MFSD6: variants seen among roughly 807,000 people sequenced by gnomAD.
The protein encoded by MFSD6 is major facilitator superfamily domain-containing protein 6.
Under a neutral mutation model 56.3 loss-of-function variants are expected in MFSD6, and 26 were observed. The ratio of observed to expected loss-of-function variants is 0.46; its 90% CI spans 0.34 to 0.64. MFSD6 has a LOEUF of 0.64. Ranked by LOEUF, MFSD6 falls within the 30% of genes least tolerant of loss-of-function variation. The pLI is 0.01. For missense variants in MFSD6, 750 were observed against 986.2 expected (o/e 0.76, Z 3.21); for synonymous variants, 331 against 366.9 (o/e 0.90, Z 1.12).
Position 190,495,847 on chromosome 2 carries a change from A to G in MFSD6, c.1892-1592A>G, listed in dbSNP as rs1189769647. On this transcript the variant is annotated intron_variant, in intron 6 of 7. Transcript: ENST00000392328. The surrounding 1 kb of genome is among the most constrained non-coding windows in gnomAD (Gnocchi z 4.7). ...CACCGTATAAAAAAATCAACTCAAG[A>G]TGGATCAAGGACTTAAATCTAAGAC... is the stretch of plus-strand genomic sequence containing the variant. Among the ~76,000 whole-genome samples, 8 of 152,210 alleles carry G rather than the reference A, an allele frequency of 5.3e-5. No homozygotes were observed. The highest frequency in any genetic ancestry group is 5.2e-4 in the Admixed American group (8 of 15,278).
At chr2:190,446,403 C>T (rs1342608940) in intron 3 of MFSD6, among the ~76,000 whole-genome samples, 1 of 152,218 alleles carries the variant, frequency 6.6e-6, no homozygotes, top group Non-Finnish European at 1.5e-5. Flanking sequence ...AAGGCACAGG[C>T]ACTTTACTCT....
Position 190,469,923 on chromosome 2 carries a change from C to A in MFSD6, c.1630+68C>A, listed in dbSNP as rs1026337199. 2 of 1,091,622 alleles carry A rather than the reference C, an allele frequency of 1.8e-6. No homozygotes were observed. Among genetic ancestry groups the A allele is most frequent in the Non-Finnish European group, 2.7e-6 (2 of 734,444 alleles). The allele number at this position is 1,091,622 out of a possible 1,614,324, so 67.6% of individuals were successfully genotyped here. A position where few individuals can be genotyped will look rare whatever the true frequency, so the allele number is the denominator to read the frequency against. Reference sequence around the variant, plus strand: ...TGAGCTGTGGCTAAAAGCCCAGTGGCCTTCAGCATCTGATTCTATAAAGGA... The same window carrying A: ...TGAGCTGTGGCTAAAAGCCCAGTGGACTTCAGCATCTGATTCTATAAAGGA... On this transcript the variant is annotated intron_variant, in intron 4 of 7. Coordinates refer to ENST00000392328, the MANE Select transcript of MFSD6 (RefSeq NM_017694.4). The surrounding 1 kb of genome is among the most constrained non-coding windows in gnomAD (Gnocchi z 5.3).
rs975895165 is a variant in MFSD6 at position 190,443,832 on chromosome 2, A to T, written c.1532+6271A>T. 1.3e-5 allele frequency among the ~76,000 whole-genome samples: 2 copies of T among 152,170 alleles called. No individual in the cohort carries two copies. Among genetic ancestry groups the T allele is most frequent in the African/African-American group, 4.8e-5 (2 of 41,426 alleles). On this transcript the variant is annotated intron_variant, in intron 3 of 7. Transcript: ENST00000392328. The surrounding 1 kb of genome is among the most constrained non-coding windows in gnomAD (Gnocchi z 4.2). ...CACTTTGGGAGGCTGAGGCAGGAGG[A>T]TGTCTTGAGCCCAGGAGTTCGAGAT...
Position 190,412,942 on chromosome 2 carries a change from G to C in MFSD6, c.-175-2350G>C, listed in dbSNP as rs1690619741. Among the ~76,000 whole-genome samples, 1 of 152,110 alleles carries C rather than the reference G, an allele frequency of 6.6e-6. No homozygotes were observed. The highest frequency in any genetic ancestry group is 6.5e-5 in the Admixed American group (1 of 15,276). On this transcript the variant is annotated intron_variant, in intron 1 of 7. Transcript: ENST00000392328. This position sits in a 1 kb window ranked among gnomAD's most constrained non-coding sequence, Gnocchi z 4.1. ...TCATTTGTTCAGACAAGTGATGTTT[G>C]GTGCAGGGGCCAAAACAGAAAAGCC...
intron 3 of MFSD6, among the ~76,000 whole-genome samples, chr2:190,449,628 A>G (rs919016480): frequency 6.6e-6 from 1 of 151,962 alleles, no homozygotes; most frequent in Non-Finnish European, 1.5e-5. Flanking sequence ...ATGTCCAACA[A>G]TGATAGACTG....
At chr2:190,480,660 T>C (rs1688610087) in intron 4 of MFSD6, among the ~76,000 whole-genome samples, 1 of 152,240 alleles carries the variant, frequency 6.6e-6, no homozygotes, top group African/African-American at 2.4e-5. Flanking sequence ...AAGGCTTGAA[T>C]TAGACTATCT....
At position 190,417,024 on chromosome 2, in the gene MFSD6, C is replaced by T. The variant is rs927924323; in HGVS notation, c.-54+1611C>T. 2.6e-5 allele frequency among the ~76,000 whole-genome samples: 4 copies of T among 151,924 alleles called. No individual in the cohort carries two copies. The highest frequency in any genetic ancestry group is 6.6e-5 in the Admixed American group (1 of 15,242). On this transcript the variant is annotated intron_variant, in intron 2 of 7. Coordinates refer to ENST00000392328, the MANE Select transcript of MFSD6 (RefSeq NM_017694.4). This position sits in a 1 kb window ranked among gnomAD's most constrained non-coding sequence, Gnocchi z 5.7. ...TATGTTATGTTCTAGATTCCTCCCT[C>T]GAGGGGTATACAGTCTTGTTGGGCA...
intron 4 of MFSD6, among the ~76,000 whole-genome samples, chr2:190,482,708 A>G (rs1034435462): frequency 2.6e-5 from 4 of 152,012 alleles, no homozygotes; most frequent in Non-Finnish European, 4.4e-5. Flanking sequence ...TTATTTCAGT[A>G]GAGCATTCTT....
chr2:190,499,941 T>G lies in MFSD6; in HGVS notation c.2173-74T>G. ...GATCTCCCCATGTTTCCTGTCTTACTTGAAAGCATATATAAAAAGTTGGAT... is the reference window on the plus strand; with the variant it reads ...GATCTCCCCATGTTTCCTGTCTTACGTGAAAGCATATATAAAAAGTTGGAT... On this transcript the variant is annotated intron_variant, in intron 7 of 7. Coordinates refer to ENST00000392328, the MANE Select transcript of MFSD6 (RefSeq NM_017694.4). This position sits in a 1 kb window ranked among gnomAD's most constrained non-coding sequence, Gnocchi z 6.0. 6.2e-7 allele frequency: 1 copy of G among 1,600,284 alleles called. No homozygotes were observed. Among genetic ancestry groups the G allele is most frequent in the South Asian group, 1.1e-5 (1 of 89,616 alleles).
chr2:190,500,162 C>T lies in MFSD6; in HGVS notation c.2320C>T (p.Pro774Ser). 6.2e-7 allele frequency: 1 copy of T among 1,614,140 alleles called. No homozygotes were observed. The highest frequency in any genetic ancestry group is 8.5e-7 in the Non-Finnish European group (1 of 1,180,030). The change falls in exon 8 of 8, where the codon CCG becomes TCG. Residue 774 changes from proline to serine, a missense_variant. Transcript: ENST00000392328. This position sits in a 1 kb window ranked among gnomAD's most constrained non-coding sequence, Gnocchi z 5.3. Reference protein sequence around the residue: ...QTSPAHPSVDPCTEESEEQQA... With the variant: ...QTSPAHPSVDSCTEESEEQQA... ...CAGCCCCGCTCACCCCAGTGTGGAC[C>T]CGTGCACAGAGGAGAGTGAAGAGCA...
At position 190,424,148 on chromosome 2, in the gene MFSD6, A is replaced by G. The variant is rs1194217155; in HGVS notation, c.-54+8735A>G. On this transcript the variant is annotated intron_variant, in intron 2 of 7. Transcript: ENST00000392328. This position sits in a 1 kb window ranked among gnomAD's most constrained non-coding sequence, Gnocchi z 5.9. The stretch of plus-strand genomic sequence containing the variant: ...AAAGTTTTAAATTTTAATGAAGTCT[A>G]ACATTAGTTTTTCCTTTTATGGATC... Among the ~76,000 whole-genome samples, 1 of 152,012 alleles carries G rather than the reference A, an allele frequency of 6.6e-6. No individual in the cohort carries two copies. The highest frequency in any genetic ancestry group is 1.5e-5 in the Non-Finnish European group (1 of 68,010).
intron 4 of MFSD6, among the ~76,000 whole-genome samples, chr2:190,476,143 T>C (rs1370597967): frequency 6.6e-6 from 1 of 152,098 alleles, no homozygotes; most frequent in Non-Finnish European, 1.5e-5. Context: ...ATTCAGGACA[T>C]AGGCATGGGC....
Position 190,438,945 on chromosome 2 carries a change from TTC to T in MFSD6, c.1532+1387_1532+1388del, listed in dbSNP as rs756511846. Among the ~76,000 whole-genome samples the T allele has an allele frequency of 6.6e-6, 1 of 152,190 alleles. No individual in the cohort carries two copies. Among genetic ancestry groups the T allele is most frequent in the Non-Finnish European group, 1.5e-5 (1 of 68,038 alleles). ...GGAGGTGGTGTTCTGTTCCTTCCCT[TTC>T]TCAGATCTTCGATCCCTTTGTTGTC... On this transcript the variant is annotated intron_variant, in intron 3 of 7. Transcript: ENST00000392328. The surrounding 1 kb of genome is among the most constrained non-coding windows in gnomAD (Gnocchi z 5.2).
At chr2:190,430,013 C>T (rs2125027963) in intron 2 of MFSD6, among the ~76,000 whole-genome samples, 1 of 142,246 alleles carries the variant, frequency 7.0e-6, no homozygotes, top group African/African-American at 2.6e-5. Context: ...CACCCCCCAA[C>T]AGGCCCCAGT....
rs998446578 is a variant in MFSD6 at position 190,431,283 on chromosome 2, C to T, written c.-53-4694C>T. Among the ~76,000 whole-genome samples the T allele has an allele frequency of 3.9e-5, 6 of 152,110 alleles. No homozygotes were observed. Among genetic ancestry groups the T allele is most frequent in the South Asian group, 2.1e-4 (1 of 4,814 alleles). On this transcript the variant is annotated intron_variant, in intron 2 of 7. Transcript: ENST00000392328. The surrounding 1 kb of genome is among the most constrained non-coding windows in gnomAD (Gnocchi z 4.4). The stretch of plus-strand genomic sequence containing the variant: ...GGATGGGCGGCCAGGCAGAGACGCT[C>T]CTCACTTCCCAGACGGGGTGGCGGC...
chr2:190,497,741 A>T lies in MFSD6; in HGVS notation c.2172+22A>T, dbSNP rs1689785080. ...ACAGGTACAGTTCCTTTGCTGGGCT[A>T]GCAATATTACCTGTCACTCAAGATA... On this transcript the variant is annotated intron_variant, in intron 7 of 7. Coordinates refer to ENST00000392328, the MANE Select transcript of MFSD6 (RefSeq NM_017694.4). This position sits in a 1 kb window ranked among gnomAD's most constrained non-coding sequence, Gnocchi z 5.2. 6.2e-7 allele frequency: 1 copy of T among 1,600,362 alleles called. No individual in the cohort carries two copies. Among genetic ancestry groups the T allele is most frequent in the African/African-American group, 1.3e-5 (1 of 74,506 alleles).
intron 2 of MFSD6, among the ~76,000 whole-genome samples, chr2:190,430,357 CCG>C (rs761745569): frequency 7.1e-4 from 107 of 151,294 alleles, no homozygotes; most frequent in Non-Finnish European, 1.3e-3. Flanking sequence ...CTGCGGCCTT[CCG>C]CAGTGTTTGT....
rs1376957507 is a variant in MFSD6 at position 190,433,357 on chromosome 2, G to A, written c.-53-2620G>A. ...GAAATGGAATTGGAGCCGCTGAGCT[G>A]GATAGGTGAAGGCACTAATGATGAA... On this transcript the variant is annotated intron_variant, in intron 2 of 7. Transcript: ENST00000392328. The surrounding 1 kb of genome is among the most constrained non-coding windows in gnomAD (Gnocchi z 4.5). The A allele has an allele frequency of 6.6e-6, 1 of 152,134 alleles. No homozygotes were observed. Among genetic ancestry groups the A allele is most frequent in the Non-Finnish European group, 1.5e-5 (1 of 68,018 alleles). The allele number at this position is 152,134 out of a possible 1,614,324, so 9.4% of individuals were successfully genotyped here. A position where few individuals can be genotyped will look rare whatever the true frequency, so the allele number is the denominator to read the frequency against.
In MFSD6 at chr2:190,454,805, A is replaced by G. The variant is rs1029824662; in HGVS notation, c.1533-14953A>G. On this transcript the variant is annotated intron_variant, in intron 3 of 7. Transcript: ENST00000392328. This position sits in a 1 kb window ranked among gnomAD's most constrained non-coding sequence, Gnocchi z 4.6. ...GCAGGTATAGAGGGATGGGATCCCC[A>G]AAGATTCTAAGAGTCAGAAGACACT... Among the ~76,000 whole-genome samples, 1 of 152,266 alleles carries G rather than the reference A, an allele frequency of 6.6e-6. No individual in the cohort carries two copies. The highest frequency in any genetic ancestry group is 1.9e-4 in the East Asian group (1 of 5,180).
Sources: gnomAD v4.1 joint callset for allele counts (sites outside exome capture counted in the v4.1 genomes callset) on GRCh38, gnomAD v4.1.1 for gene constraint, Gnocchi (gnomAD v3.1) non-coding constraint, MANE v1.5 for transcripts, NCBI Gene and HGNC (gene_info 2026-07-23, HGNC 2026-07-21) for gene names.